Variants in CRB1 observed in about 807,000 individuals in gnomAD.
The protein encoded by CRB1 is protein crumbs homolog 1.
Under a neutral mutation model 120.0 loss-of-function variants are expected in CRB1, and 83 were observed. That is an observed-to-expected ratio of 0.69 (90% CI 0.58 to 0.83). The LOEUF (loss-of-function observed/expected upper bound fraction) is 0.83, where lower values mean the gene tolerates loss of function less well. Ranked by LOEUF, CRB1 falls within the 40% of genes least tolerant of loss-of-function variation. CRB1 has a pLI of 0.00. For synonymous variants in CRB1, 625 were observed against 612.5 expected, an observed-to-expected ratio of 1.02 and a Z score of -0.30; for missense variants, 1,699 against 1,687.6, an observed-to-expected ratio of 1.01 and a Z score of -0.12.
rs572253763 is a variant in CRB1 at position 197,461,628 on chromosome 1, C to T, written c.4006-16036C>T. Among the ~76,000 whole-genome samples, 10 of 152,234 alleles carry T rather than the reference C, an allele frequency of 6.6e-5. No homozygotes were observed. In the South Asian group the frequency reaches 2.1e-3, roughly 32 times the overall value. ...TCACTGGTCAATTTCCTTTTAAAGA[C>T]CTGTCCACTGATTTACTCATTCCAT... On this transcript the variant is annotated intron_variant, in intron 11 of 11. Transcript: ENST00000367400.
At chr1:197,267,176 T>A (rs2125192810), upstream of CRB1, among the ~76,000 whole-genome samples, 2 of 152,228 alleles carry the variant, frequency 1.3e-5, no homozygotes, top group South Asian at 4.2e-4. Context: ...GAATAGGGAG[T>A]TAATAATGCT....
chr1:197,442,087 A>G lies in CRB1; in HGVS notation c.3879-79A>G, dbSNP rs539390903. On this transcript the variant is annotated intron_variant, in intron 10 of 11. Coordinates refer to ENST00000367400, the MANE Select transcript of CRB1 (RefSeq NM_201253.3). ...AAGACTGTGCTGTTCCAGAGAGATA[A>G]GGCAAACTTTTTCTTCCCATTTCAC... The G allele has an allele frequency of 1.2e-4, 187 of 1,579,200 alleles. No individual in the cohort carries two copies. The Middle Eastern group carries it at 1.8e-3, about 16-fold the overall frequency.
chr1:197,388,461 C>G (rs1163116989), intron 5 of CRB1, among the ~76,000 whole-genome samples: 1 of 151,986 alleles, frequency 6.6e-6, no homozygotes, highest in African/African-American at 2.4e-5. Context: ...TTCTCTCTTC[C>G]CTATTCATCA....
intron 1 of CRB1, among the ~76,000 whole-genome samples, chr1:197,325,329 C>T (rs146423530): frequency 6.6e-6 from 1 of 152,270 alleles, no homozygotes; most frequent in African/African-American, 2.4e-5. Flanking sequence ...AGTTCTATCT[C>T]CAGTAGCATT....
At chr1:197,281,950 G>C (rs903508417) in intron 1 of CRB1, among the ~76,000 whole-genome samples, 1 of 151,076 alleles carries the variant, frequency 6.6e-6, no homozygotes, top group East Asian at 2.0e-4. Context: ...CCAGTTAGAA[G>C]ATAAAGAGTA....
intron 1 of CRB1, among the ~76,000 whole-genome samples, chr1:197,324,433 T>TA (rs1658380849): frequency 6.6e-6 from 1 of 152,204 alleles, no homozygotes; most frequent in Non-Finnish European, 1.5e-5. Flanking sequence ...TAATGTTTTT[T>TA]AAAAAACTAC....
At chr1:197,404,251 T>C (rs1420598967) in intron 5 of CRB1, among the ~76,000 whole-genome samples, 1 of 152,078 alleles carries the variant, frequency 6.6e-6, no homozygotes, top group South Asian at 2.1e-4. Flanking sequence ...CTGAGCCTAA[T>C]TGCATATTGC....
intron 5 of CRB1, among the ~76,000 whole-genome samples, chr1:197,411,335 A>T (rs1033435906): frequency 6.6e-6 from 1 of 152,218 alleles, no homozygotes; most frequent in Non-Finnish European, 1.5e-5. Context: ...TCCATATTTC[A>T]AAGATAAGTT....
chr1:197,362,149 C>G (rs767497546), intron 5 of CRB1, among the ~76,000 whole-genome samples: 9 of 151,920 alleles, frequency 5.9e-5, no homozygotes, highest in Non-Finnish European at 8.8e-5. Context: ...AGAAATTTTT[C>G]TCTTGTCTTT....
the CRB1 span, among the ~76,000 whole-genome samples, chr1:197,253,958 C>T: frequency 1.1e-4 from 16 of 152,080 alleles, 1 homozygote; most frequent in Non-Finnish European, 2.1e-4. Context: ...AACACATCAG[C>T]AAATAAATAT....
intron 9 of CRB1, among the ~76,000 whole-genome samples, chr1:197,437,049 TA>T (rs1665195409): frequency 1.3e-5 from 2 of 152,170 alleles, no homozygotes; most frequent in African/African-American, 2.4e-5. Flanking sequence ...TGTAAGAAGT[TA>T]TTATTGTTTT....
chr1:197,351,405 GA>G (rs1464369594), intron 4 of CRB1, among the ~76,000 whole-genome samples: 32 of 147,888 alleles, frequency 2.2e-4, no homozygotes, highest in Admixed American at 2.1e-3. Flanking sequence ...AAAGAAAAGA[GA>G]AAAAAAGAAA....
chr1:197,374,425 A>G (rs922411595), intron 5 of CRB1, among the ~76,000 whole-genome samples: 5 of 152,192 alleles, frequency 3.3e-5, no homozygotes, highest in Admixed American at 2.0e-4. Context: ...GTCAGGGCCC[A>G]GAGGACCCCT....
chr1:197,281,440 C>T (rs955567197), intron 1 of CRB1, among the ~76,000 whole-genome samples: 1 of 151,808 alleles, frequency 6.6e-6, no homozygotes, highest in African/African-American at 2.4e-5. Flanking sequence ...GAGGTGATCA[C>T]TTGGTGGCTT....
intron 1 of CRB1, among the ~76,000 whole-genome samples, chr1:197,309,488 C>T (rs761795018): frequency 3.9e-5 from 6 of 152,158 alleles, no homozygotes; most frequent in Non-Finnish European, 8.8e-5. Flanking sequence ...GGCGCTGTGG[C>T]TCACGCCTGT....
At chr1:197,419,809 C>CAA (rs551970933) in intron 5 of CRB1, among the ~76,000 whole-genome samples, 23,173 of 127,022 alleles carry the variant, frequency 0.18, 2,332 homozygotes, top group Middle Eastern at 0.3. Flanking sequence ...CCCATCTCTA[C>CAA]AAAAAAAAAA....
In CRB1 at chr1:197,338,025, C is replaced by T. The variant is rs145694448; in HGVS notation, c.653-6256C>T. 9.9e-3 allele frequency among the ~76,000 whole-genome samples: 1,499 copies of T among 151,698 alleles called. 26 individuals carry two copies. Among genetic ancestry groups the T allele is most frequent in the African/African-American group, 0.034 (1,417 of 41,426 alleles). On this transcript the variant is annotated intron_variant, in intron 2 of 11. Transcript: ENST00000367400. ...TAATGTTTAATACTGATGTATTTAACATAAAATGAGAATGTTGTAATTTTT... is the reference window on the plus strand; with the variant it reads ...TAATGTTTAATACTGATGTATTTAATATAAAATGAGAATGTTGTAATTTTT...
At chr1:197,361,324 A>G (rs1660757908) in intron 5 of CRB1, among the ~76,000 whole-genome samples, 1 of 152,000 alleles carries the variant, frequency 6.6e-6, no homozygotes, top group Admixed American at 6.5e-5. Flanking sequence ...ATTGATGTTA[A>G]TTATTCTTTA....
At chr1:197,290,002 AT>A (rs1160743030) in intron 1 of CRB1, among the ~76,000 whole-genome samples, 1 of 151,580 alleles carries the variant, frequency 6.6e-6, no homozygotes, top group Non-Finnish European at 1.5e-5. Context: ...TAAAAGTTAT[AT>A]TTGTCAGTCT....
Sources: allele counts gnomAD v4.1 joint callset (sites outside exome capture counted in the v4.1 genomes callset), GRCh38; gene constraint gnomAD v4.1.1; transcripts MANE v1.5; gene names NCBI Gene and HGNC (gene_info 2026-07-23, HGNC 2026-07-21).